The following CFAP44 variants were observed in gnomAD, a reference collection of about 807,000 sequenced individuals.
CFAP44 encodes the protein cilia- and flagella-associated protein 44.
In CFAP44, 134 loss-of-function variants were observed where a neutral mutation model predicts 216.2. That is an observed-to-expected ratio of 0.62 (90% CI 0.54 to 0.72). The LOEUF (loss-of-function observed/expected upper bound fraction) is 0.72. Ranked by LOEUF, CFAP44 falls within the 30% of genes least tolerant of loss-of-function variation. The pLI is 0.00. For synonymous variants in CFAP44, 700 were observed against 727.6 expected, an observed-to-expected ratio of 0.96 and a Z score of 0.61; for missense variants, 2,035 against 2,182.1, an observed-to-expected ratio of 0.93 and a Z score of 1.34.
Position 113,291,668 on chromosome 3 carries a change from T to G in CFAP44, c.5454A>C (p.Glu1818Asp). The G allele has an allele frequency of 1.3e-6, 2 of 1,537,384 alleles. No homozygotes were observed. The highest frequency in any genetic ancestry group is 1.7e-6 in the Non-Finnish European group (2 of 1,146,976). The change falls in exon 35 of 35, where the codon GAA becomes GAC. Residue 1818 changes from glutamate (E) to aspartate (D), a missense_variant. Coordinates refer to ENST00000393845, the MANE Select transcript of CFAP44 (RefSeq NM_001164496.2). ...EVTELIQLQA[E>D]RISALKEEIA... ...TCTCCTCCTTTAAGGCCGAAATCCT[T>G]TCCGCCTGGAGTTGGATCAATTCAG...
chr3:113,299,771 G>T (rs1949916602), intron 32 of CFAP44, among the ~76,000 whole-genome samples: 1 of 152,166 alleles, frequency 6.6e-6, no homozygotes, highest in Non-Finnish European at 1.5e-5. Context: ...ACTCACACCT[G>T]TAATCCTAGG....
At chr3:113,404,206 GTA>G (rs1934214870) in intron 8 of CFAP44, 190 bp from the exon 9 acceptor site, 3 of 640,726 alleles carry the variant, frequency 4.7e-6, no homozygotes, top group Non-Finnish European at 5.0e-6. Context: ...ACATTTTGAT[GTA>G]TTTCCTTCCA....
At chr3:113,348,991 C>T (rs762500349) in intron 22 of CFAP44, among the ~76,000 whole-genome samples, 3 of 152,118 alleles carry the variant, frequency 2.0e-5, no homozygotes, top group South Asian at 2.1e-4. Context: ...GAATGACAGC[C>T]GAAGAAAGGG....
Position 113,358,883 on chromosome 3 carries a change from T to A in CFAP44, c.2935-8A>T. The A allele has an allele frequency of 6.5e-7, 1 of 1,535,274 alleles. No individual in the cohort carries two copies. Among genetic ancestry groups the A allele is most frequent in the Non-Finnish European group, 8.7e-7 (1 of 1,145,834 alleles). On this transcript the variant is annotated splice_region_variant and splice_polypyrimidine_tract_variant and intron_variant, in intron 21 of 34. Transcript: ENST00000393845. ...GGAATCTACATCAAAATCCTGCAGA[T>A]AAGAAGATCTGTTCATCAAAATGGG...
Position 113,373,615 on chromosome 3 carries a change from T to C in CFAP44, c.2299-59A>G, listed in dbSNP as rs111935492. On this transcript the variant is annotated intron_variant, in intron 17 of 34. Transcript: ENST00000393845. ...CTTGAATATAACACACATAAATGCATGAGAATTTTTTGATTATTTCAAATT... is the reference window on the plus strand; with the variant it reads ...CTTGAATATAACACACATAAATGCACGAGAATTTTTTGATTATTTCAAATT... The C allele has an allele frequency of 1.7e-3, 2,226 of 1,341,050 alleles. 40 individuals carry two copies. The African/African-American group carries it at 0.028, about 17-fold the overall frequency. 83.1% of individuals were successfully genotyped at this position (1,341,050 alleles called of 1,614,324 possible).
intron 26 of CFAP44, among the ~76,000 whole-genome samples, chr3:113,329,853 T>C (rs913669850): frequency 6.6e-6 from 1 of 152,216 alleles, no homozygotes; most frequent in African/African-American, 2.4e-5. Context: ...ATCTAAAAGC[T>C]GCTCCTCCAC....
At chr3:113,431,339 G>A (rs1256251224) in intron 2 of CFAP44, among the ~76,000 whole-genome samples, 4 of 152,198 alleles carry the variant, frequency 2.6e-5, no homozygotes, top group East Asian at 1.9e-4. Flanking sequence ...AAAGGTCTGC[G>A]CCTAACAGCA....
chr3:113,433,429 CAAAAAAAAAAA>C (rs58221881), intron 2 of CFAP44, 125 bp downstream of exon 2: 88 of 127,784 alleles, frequency 6.9e-4, no homozygotes, highest in Middle Eastern at 2.6e-3. Flanking sequence ...AACTCCATCT[CAAAAAAAAAAA>C]AAAAAAAAAA....
chr3:113,312,346 G>A (rs1387721197), intron 28 of CFAP44, among the ~76,000 whole-genome samples: 1 of 150,396 alleles, frequency 6.6e-6, no homozygotes, highest in Non-Finnish European at 1.5e-5. Context: ...GCCTCCCAAA[G>A]TGCTGGGATT....
intron 6 of CFAP44, among the ~76,000 whole-genome samples, chr3:113,415,025 T>C (rs749635142): frequency 1.2e-4 from 18 of 152,194 alleles, no homozygotes; most frequent in Non-Finnish European, 2.2e-4. Context: ...TATTAATTAC[T>C]GCCTCAATTT....
At chr3:113,348,791 C>A (rs1002089903) in intron 22 of CFAP44, among the ~76,000 whole-genome samples, 3 of 152,198 alleles carry the variant, frequency 2.0e-5, no homozygotes, top group Admixed American at 6.5e-5. Flanking sequence ...TCAAGGCAGA[C>A]CTGGGGAAGT....
At chr3:113,380,025 A>AT (rs1559929954) in intron 16 of CFAP44, among the ~76,000 whole-genome samples, 1 of 151,984 alleles carries the variant, frequency 6.6e-6, no homozygotes, top group African/African-American at 2.4e-5. Flanking sequence ...TTCCTAACTT[A>AT]TTTTTTTAAA....
intron 5 of CFAP44, among the ~76,000 whole-genome samples, chr3:113,417,733 C>T (rs1262257041): frequency 6.6e-6 from 1 of 152,108 alleles, no homozygotes; most frequent in Non-Finnish European, 1.5e-5. Context: ...AAGTAACTTG[C>T]CTGCAGTCAC....
intron 5 of CFAP44, among the ~76,000 whole-genome samples, chr3:113,418,275 C>T (rs7625933): frequency 0.74 from 112,429 of 151,798 alleles, 42,205 homozygotes; most frequent in African/African-American, 0.82. Flanking sequence ...TTAGTAGATA[C>T]GGGGTTTTAC....
chr3:113,346,727 T>C (rs1950387555), intron 22 of CFAP44, among the ~76,000 whole-genome samples: 1 of 151,986 alleles, frequency 6.6e-6, no homozygotes, highest in African/African-American at 2.4e-5. Flanking sequence ...CCGCACTCTG[T>C]AAAATGGACC....
In CFAP44 at chr3:113,306,247, T is replaced by G. The variant is rs897389534; in HGVS notation, c.4712A>C (p.Lys1571Thr). 35 of 1,537,012 alleles carry G rather than the reference T, an allele frequency of 2.3e-5. No homozygotes were observed. Among genetic ancestry groups the G allele is most frequent in the Non-Finnish European group, 2.7e-5 (31 of 1,146,798 alleles). Reference sequence around the variant, plus strand: ...TTCCTTTTTGAGGTTATCAACAATTTTCTTTTCTTCAACTAAAGCCTCCTC... The same window carrying G: ...TTCCTTTTTGAGGTTATCAACAATTGTCTTTTCTTCAACTAAAGCCTCCTC... Reference protein sequence around the residue: ...DIEEALVEEKKIVDNLKKEYD... With the variant: ...DIEEALVEEKTIVDNLKKEYD... Residue 1571 changes from lysine (K) to threonine (T), a missense_variant, in exon 30 of 35, where the codon AAA (lysine) becomes ACA (threonine). Physicochemically the swap from Lys to Thr is moderately conservative, Grantham distance 78. This residue lies in a region of CFAP44 where 1,883 missense variants were observed against 2,023.7 expected (regional missense o/e 0.93). Coordinates refer to ENST00000393845, the MANE Select transcript of CFAP44 (RefSeq NM_001164496.2).
At position 113,330,280 on chromosome 3, in the gene CFAP44, T is replaced by C; in HGVS notation, c.4004A>G (p.Asp1335Gly). The C allele has an allele frequency of 2.0e-6, 3 of 1,537,438 alleles. No homozygotes were observed. The highest frequency in any genetic ancestry group is 2.6e-6 in the Non-Finnish European group (3 of 1,146,938). Residue 1335 changes from aspartate to glycine, a missense_variant, in exon 26 of 35, where the codon GAT becomes GGT. Around this residue, in one of 3 missense-constraint regions of CFAP44, gnomAD observed 1,883 missense variants for 2,023.7 expected, o/e 0.93. Coordinates refer to ENST00000393845, the MANE Select transcript of CFAP44 (RefSeq NM_001164496.2). ...RSSKASTFSL[D>G]IPKCLEFEKA... ...TTCAAATTCCAAACACTTTGGTATA[T>C]CTAGGCTGAATGTTGATGCCTTTGA...
At chr3:113,346,148 C>T (rs1316987316) in intron 22 of CFAP44, among the ~76,000 whole-genome samples, 1 of 152,220 alleles carries the variant, frequency 6.6e-6, no homozygotes, top group African/African-American at 2.4e-5. Context: ...ATGCACCAAT[C>T]AACACTCTGT....
chr3:113,301,614 T>C (rs1949936534), intron 32 of CFAP44, among the ~76,000 whole-genome samples: 1 of 152,172 alleles, frequency 6.6e-6, no homozygotes, highest in South Asian at 2.1e-4. Context: ...GCACAACTAA[T>C]TAGGAAACTA....
Sources: gnomAD v4.1 joint callset for allele counts (sites outside exome capture counted in the v4.1 genomes callset) on GRCh38, gnomAD v4.1.1 for gene constraint, gnomAD v4.1.1 regional missense constraint, MANE v1.5 for transcripts, NCBI Gene and HGNC (gene_info 2026-07-23, HGNC 2026-07-21) for gene names.